The following CAMKMT variants were observed in gnomAD, a reference collection of about 807,000 sequenced individuals.
CAMKMT encodes calmodulin-lysine N-methyltransferase.
A neutral mutation model predicts 48.0 loss-of-function variants in CAMKMT; 53 were observed. The ratio of observed to expected loss-of-function variants is 1.10; its 90% confidence interval spans 0.89 to 1.39. CAMKMT has a LOEUF of 1.39. CAMKMT is among the 40% of genes most tolerant of loss of function. The pLI is 0.00. For missense variants in CAMKMT, 428 were observed against 402.7 expected (o/e 1.06, Z -0.54); for synonymous variants, 165 against 152.3 (o/e 1.08, Z -0.61).
intron 3 of CAMKMT, among the ~76,000 whole-genome samples, chr2:44,469,733 A>G (rs922339234): frequency 2.6e-5 from 4 of 152,048 alleles, no homozygotes; most frequent in Admixed American, 2.6e-4. Context: ...GCTTATCATC[A>G]CCATGCATCT....
chr2:44,435,161 C>T (rs192754696), intron 3 of CAMKMT, among the ~76,000 whole-genome samples: 109 of 152,216 alleles, frequency 7.2e-4, no homozygotes, highest in African/African-American at 2.4e-3. Flanking sequence ...TTTGTAACCT[C>T]GATTTTATAA....
At chr2:44,578,321 AT>A (rs1395036385) in intron 3 of CAMKMT, among the ~76,000 whole-genome samples, 2 of 152,232 alleles carry the variant, frequency 1.3e-5, no homozygotes, top group Non-Finnish European at 2.9e-5. Flanking sequence ...TCATATGGAA[AT>A]AATACTGTAT....
At chr2:44,385,809 T>C (rs1428177725) in intron 2 of CAMKMT, among the ~76,000 whole-genome samples, 2 of 152,204 alleles carry the variant, frequency 1.3e-5, no homozygotes, top group African/African-American at 4.8e-5. Context: ...CATCCCTGCA[T>C]CCCTGATATG....
intron 2 of CAMKMT, among the ~76,000 whole-genome samples, chr2:44,382,864 G>C (rs1680394211): frequency 1.3e-5 from 2 of 152,146 alleles, no homozygotes; most frequent in African/African-American, 4.8e-5. Flanking sequence ...TTATGGAAAG[G>C]GTAATACAGT....
At chr2:44,646,860 A>G (rs561746787) in intron 3 of CAMKMT, among the ~76,000 whole-genome samples, 2 of 152,338 alleles carry the variant, frequency 1.3e-5, no homozygotes, top group African/African-American at 4.8e-5. Flanking sequence ...TCTGGTTAGT[A>G]AACGATGGTT....
At position 44,542,123 on chromosome 2, in the gene CAMKMT, C is replaced by A. The variant is rs557607728; in HGVS notation, c.376+151818C>A. ...CAGCCTGGGCAACAAGAGTGAAACT[C>A]TGTCTCAAAAAAAAAAAAAAAAGGC... On this transcript the variant is annotated intron_variant, in intron 3 of 10. Transcript: ENST00000378494. 2.8e-5 allele frequency among the ~76,000 whole-genome samples: 4 copies of A among 141,438 alleles called. No homozygotes were observed. In the East Asian group the frequency reaches 8.3e-4, roughly 29 times the overall value. The allele number at this position is 141,438 out of a possible 152,430, so 92.8% of individuals were successfully genotyped here.
In CAMKMT at chr2:44,429,914, T is replaced by A. The variant is rs557031036; in HGVS notation, c.376+39609T>A. ...CTCATTATATGATCTTGTTAAAGTT[T>A]GTGATAGTGATTATATATATGTGTA... On this transcript the variant is annotated intron_variant, in intron 3 of 10. Transcript: ENST00000378494. Among the ~76,000 whole-genome samples, 16 of 151,964 alleles carry A rather than the reference T, an allele frequency of 1.1e-4. No individual in the cohort carries two copies. In the South Asian group the frequency reaches 3.3e-3, roughly 32 times the overall value.
chr2:44,377,806 T>C (rs777639667), intron 2 of CAMKMT, among the ~76,000 whole-genome samples: 6 of 151,902 alleles, frequency 3.9e-5, no homozygotes, highest in Admixed American at 1.3e-4. Flanking sequence ...CTTTCTATTA[T>C]AACAAATGCA....
At chr2:44,731,688 A>G (rs1679085853) in intron 7 of CAMKMT, among the ~76,000 whole-genome samples, 1 of 152,222 alleles carries the variant, frequency 6.6e-6, no homozygotes, top group Admixed American at 6.5e-5. Flanking sequence ...TTAGTACAAG[A>G]ATAAGGGAAG....
At chr2:44,373,899 G>T (rs961054740) in intron 2 of CAMKMT, among the ~76,000 whole-genome samples, 2 of 151,922 alleles carry the variant, frequency 1.3e-5, no homozygotes, top group Non-Finnish European at 2.9e-5. Context: ...CAAGGTGGGT[G>T]GATCACTTGA....
At chr2:44,580,243 A>AAAAATAAAAT (rs367927902) in intron 3 of CAMKMT, among the ~76,000 whole-genome samples, 3,090 of 139,878 alleles carry the variant, frequency 0.022, 79 homozygotes, top group African/African-American at 0.05. Flanking sequence ...ATCAGGGCTC[A>AAAAATAAAAT]AAAATAAAAT....
At chr2:44,466,108 TA>T (rs1326405422) in intron 3 of CAMKMT, among the ~76,000 whole-genome samples, 1 of 152,158 alleles carries the variant, frequency 6.6e-6, no homozygotes, top group Non-Finnish European at 1.5e-5. Flanking sequence ...TCACTTTTCA[TA>T]AGGGATAGAT....
At chr2:44,533,228 ATAAT>A (rs1036711409) in intron 3 of CAMKMT, among the ~76,000 whole-genome samples, 46 of 151,652 alleles carry the variant, frequency 3.0e-4, no homozygotes, top group African/African-American at 1.1e-3. Flanking sequence ...TCATTAAAAA[ATAAT>A]TAATAACAGA....
chr2:44,617,633 C>G (rs1671964430), intron 3 of CAMKMT, among the ~76,000 whole-genome samples: 2 of 152,226 alleles, frequency 1.3e-5, no homozygotes, highest in African/African-American at 4.8e-5. Flanking sequence ...GCACGATGGG[C>G]TCACTGAGCC....
At chr2:44,388,913 G>T (rs1013630201) in intron 2 of CAMKMT, among the ~76,000 whole-genome samples, 19 of 152,186 alleles carry the variant, frequency 1.2e-4, no homozygotes, top group East Asian at 1.9e-4. Flanking sequence ...GTGGCGGGGT[G>T]GGGGGTACAA....
At chr2:44,376,263 A>T (rs1679679868) in intron 2 of CAMKMT, among the ~76,000 whole-genome samples, 1 of 151,984 alleles carries the variant, frequency 6.6e-6, no homozygotes, top group African/African-American at 2.4e-5. Flanking sequence ...ATACAAAAAA[A>T]ATTAGCTGGA....
intron 3 of CAMKMT, among the ~76,000 whole-genome samples, chr2:44,587,690 G>C (rs1192143848): frequency 2.3e-5 from 3 of 129,154 alleles, no homozygotes; most frequent in African/African-American, 8.6e-5. Flanking sequence ...TGTGTTGGCC[G>C]GGCTGGTCTC....
At chr2:44,394,008 A>C (rs998663392) in intron 3 of CAMKMT, among the ~76,000 whole-genome samples, 1 of 152,182 alleles carries the variant, frequency 6.6e-6, no homozygotes, top group African/African-American at 2.4e-5. Flanking sequence ...TGTTGTTTAT[A>C]ACATCTCATC....
chr2:44,484,327 C>A (rs1282472633), intron 3 of CAMKMT, among the ~76,000 whole-genome samples: 1 of 151,824 alleles, frequency 6.6e-6, no homozygotes, highest in Admixed American at 6.6e-5. Flanking sequence ...GATATCAAGG[C>A]TTGTTATAAA....
Sources: gnomAD v4.1 joint callset for allele counts (sites outside exome capture counted in the v4.1 genomes callset) on GRCh38, gnomAD v4.1.1 for gene constraint, MANE v1.5 for transcripts, NCBI Gene and HGNC (gene_info 2026-07-23, HGNC 2026-07-21) for gene names.